PLD1: variants seen among roughly 807,000 people sequenced by gnomAD.
PLD1 encodes phospholipase D1, also known as choline phosphatase 1.
A neutral mutation model predicts 137.1 loss-of-function variants in PLD1; 112 were observed. The observed-to-expected ratio is 0.82, with a 90% CI of 0.70 to 0.96. The LOEUF is 0.96. Among genes scored for constraint, PLD1 ranks in the 40% least tolerant of loss-of-function variants. PLD1 has a pLI of 0.00. For synonymous variants in PLD1, 431 were observed against 454.7 expected, an observed-to-expected ratio of 0.95 and a Z score of 0.66; for missense variants, 1,321 against 1,342.0, an observed-to-expected ratio of 0.98 and a Z score of 0.24.
At chr3:171,622,903 A>G (rs1216659667) in intron 23 of PLD1, among the ~76,000 whole-genome samples, 1 of 151,920 alleles carries the variant, frequency 6.6e-6, no homozygotes, top group Admixed American at 6.6e-5. Context: ...AACAATAACC[A>G]CTTAGAGAAT....
At chr3:171,628,465 T>C (rs1578138859) in intron 23 of PLD1, among the ~76,000 whole-genome samples, 1 of 152,106 alleles carries the variant, frequency 6.6e-6, no homozygotes, top group South Asian at 2.1e-4. Flanking sequence ...CTTCTGAAAC[T>C]ATTCCAATCA....
chr3:171,714,140 C>T (rs955746419), intron 8 of PLD1, 95 bp from the exon 9 acceptor site: 15 of 732,368 alleles, frequency 2.0e-5, no homozygotes, highest in Non-Finnish European at 2.3e-6. Context: ...ATCACTCTGG[C>T]AGACTGTAGA....
chr3:171,770,506 T>A (rs1199427349), intron 1 of PLD1, among the ~76,000 whole-genome samples: 1 of 151,956 alleles, frequency 6.6e-6, no homozygotes, highest in Non-Finnish European at 1.5e-5. Flanking sequence ...TACTTAACGT[T>A]TCAAAAAATA....
chr3:171,621,903 A>G (rs1733670864), intron 23 of PLD1, among the ~76,000 whole-genome samples: 1 of 152,206 alleles, frequency 6.6e-6, no homozygotes, highest in Non-Finnish European at 1.5e-5. Context: ...AGTATCTTAC[A>G]AACATTTATA....
intron 8 of PLD1, among the ~76,000 whole-genome samples, chr3:171,720,664 T>C (rs908253612): frequency 1.3e-5 from 2 of 152,094 alleles, no homozygotes; most frequent in African/African-American, 4.8e-5. Flanking sequence ...GTATTTTAAA[T>C]CCCAAAAATG....
chr3:171,658,008 G>C (rs1406397694), intron 21 of PLD1, among the ~76,000 whole-genome samples: 6 of 151,982 alleles, frequency 3.9e-5, no homozygotes, highest in Non-Finnish European at 7.4e-5. Flanking sequence ...GATTTCAGTA[G>C]ACATTTCTCC....
chr3:171,766,159 C>T (rs1475191764), intron 1 of PLD1, among the ~76,000 whole-genome samples: 1 of 151,938 alleles, frequency 6.6e-6, no homozygotes, highest in African/African-American at 2.4e-5. Flanking sequence ...TCTAAGAAAA[C>T]CTTAAATATA....
At chr3:171,628,155 G>A (rs987114393) in intron 23 of PLD1, among the ~76,000 whole-genome samples, 2 of 151,962 alleles carry the variant, frequency 1.3e-5, no homozygotes, top group African/African-American at 2.4e-5. Flanking sequence ...TTAAATAGAC[G>A]CAATAAAAAA....
chr3:171,737,409 TA>T, intron 3 of PLD1, 122 bp downstream of exon 3: 1 of 893,028 alleles, frequency 1.1e-6, no homozygotes, highest in Non-Finnish European at 1.6e-6. Flanking sequence ...GATAGATACA[TA>T]AAAACAAACA....
chr3:171,625,276 T>A (rs1165776067), intron 23 of PLD1, among the ~76,000 whole-genome samples: 1 of 152,178 alleles, frequency 6.6e-6, no homozygotes, highest in African/African-American at 2.4e-5. Flanking sequence ...GAGATCAAAC[T>A]GCAAGGTGGC....
At chr3:171,636,293 G>A (rs1043257455) in intron 23 of PLD1, among the ~76,000 whole-genome samples, 3 of 151,872 alleles carry the variant, frequency 2.0e-5, no homozygotes, top group Non-Finnish European at 4.4e-5. Context: ...TTTCAGATTA[G>A]CTTGTCAATT....
intron 1 of PLD1, among the ~76,000 whole-genome samples, chr3:171,759,226 C>T (rs1162095184): frequency 2.6e-5 from 4 of 152,076 alleles, no homozygotes; most frequent in Non-Finnish European, 5.9e-5. Context: ...GCAGAAGGTC[C>T]TGCATTTTTG....
At chr3:171,692,888 G>T (rs1477540980) in intron 12 of PLD1, among the ~76,000 whole-genome samples, 3 of 152,082 alleles carry the variant, frequency 2.0e-5, no homozygotes, top group Non-Finnish European at 4.4e-5. Flanking sequence ...GGCAATACAA[G>T]GAAGTGACAC....
chr3:171,663,251 C>A (rs1711709958), intron 19 of PLD1, among the ~76,000 whole-genome samples: 1 of 152,226 alleles, frequency 6.6e-6, no homozygotes, highest in South Asian at 2.1e-4. Flanking sequence ...TCTACGCAGA[C>A]ACTCACCTGT....
In PLD1 at chr3:171,677,587, G is replaced by T. The variant is rs780535070; in HGVS notation, c.1975C>A (p.Gln659Lys). The change falls in exon 17 of 27, where the codon CAA (glutamine) becomes AAA (lysine). Residue 659 changes from glutamine (Q) to lysine (K), a missense_variant. Coordinates refer to ENST00000351298, the MANE Select transcript of PLD1 (RefSeq NM_002662.5). ...YCNFVFKDWV[Q>K]LDKPFADFID... ...TCACCAGCAAAAGGTTTATCAAGTT[G>T]AACCCAGTCTTTGAAGACGAAATTG... 6.2e-7 allele frequency: 1 copy of T among 1,613,994 alleles called. No homozygotes were observed. Among genetic ancestry groups the T allele is most frequent in the Admixed American group, 1.7e-5 (1 of 60,006 alleles).
intron 1 of PLD1, chr3:171,765,635 A>T (rs1721931675): frequency 6.6e-6 from 1 of 152,200 alleles, no homozygotes; most frequent in South Asian, 2.1e-4. Flanking sequence ...TGTAGACTTG[A>T]GGACTCAATC....
At chr3:171,726,131 A>G in intron 6 of PLD1, 55 bp from the exon 7 acceptor site, 4 of 1,137,128 alleles carry the variant, frequency 3.5e-6, no homozygotes, top group Non-Finnish European at 5.4e-6. Flanking sequence ...AAATTTATGC[A>G]TTAAAAAACA....
intron 1 of PLD1, among the ~76,000 whole-genome samples, chr3:171,752,002 C>CA (rs201612180): frequency 0.014 from 1,092 of 77,916 alleles, 1 homozygote; most frequent in African/African-American, 0.036. Flanking sequence ...GACTCCGTCT[C>CA]AAAAAAAAAA....
chr3:171,614,892 T>C (rs1358724354), intron 24 of PLD1, among the ~76,000 whole-genome samples: 1 of 152,036 alleles, frequency 6.6e-6, no homozygotes, highest in Non-Finnish European at 1.5e-5. Context: ...ACTCCCGAGG[T>C]GAGGAATACA....
Sources: gnomAD v4.1 joint callset for allele counts (sites outside exome capture counted in the v4.1 genomes callset) on GRCh38, gnomAD v4.1.1 for gene constraint, MANE v1.5 for transcripts, NCBI Gene and HGNC (gene_info 2026-07-23, HGNC 2026-07-21) for gene names.